BFAR: variants seen among roughly 807,000 people sequenced by gnomAD.
The protein encoded by BFAR is RING finger protein 47.
BFAR carries 52 observed loss-of-function variants against 54.4 expected under a neutral mutation model. The observed-to-expected ratio is 0.96, with a 90% CI of 0.77 to 1.21. The LOEUF is 1.21. Ranked by LOEUF, BFAR falls within the 50% of genes most tolerant of loss-of-function variation. BFAR has a pLI of 0.00. For missense variants in BFAR, 571 were observed against 534.0 expected, an observed-to-expected ratio of 1.07 and a Z score of -0.68; for synonymous variants, 215 against 204.3, an observed-to-expected ratio of 1.05 and a Z score of -0.45.
intron 1 of BFAR, among the ~76,000 whole-genome samples, chr16:14,637,964 T>C (rs1483256231): frequency 2.6e-5 from 4 of 152,166 alleles, no homozygotes; most frequent in African/African-American, 9.6e-5. Flanking sequence ...AATAAGGTGA[T>C]AAATACAGGC....
chr16:14,664,211 A>G (rs1270394806), intron 6 of BFAR, among the ~76,000 whole-genome samples: 1 of 152,072 alleles, frequency 6.6e-6, no homozygotes, highest in African/African-American at 2.4e-5. Flanking sequence ...GGGAAGGGGC[A>G]TACATGCTTC....
intron 5 of BFAR, among the ~76,000 whole-genome samples, chr16:14,660,747 A>G (rs1350393558): frequency 6.6e-6 from 1 of 151,496 alleles, no homozygotes; most frequent in Admixed American, 6.6e-5. Context: ...CTGAAAATAC[A>G]AAAATTAGCC....
intron 4 of BFAR, among the ~76,000 whole-genome samples, chr16:14,650,881 T>C (rs1463352196): frequency 6.6e-6 from 1 of 152,216 alleles, no homozygotes; most frequent in Non-Finnish European, 1.5e-5. Context: ...GGTAACTCTA[T>C]TCAGACTCTA....
In BFAR at chr16:14,644,277, A is replaced by C. The variant is rs866867601; in HGVS notation, c.-70A>C. ...TGTCTCTGTTTTTTTTTTCTAGATTAATGATGTTTTGCAGCAGTTTTCTAC... is the reference window on the plus strand; with the variant it reads ...TGTCTCTGTTTTTTTTTTCTAGATTCATGATGTTTTGCAGCAGTTTTCTAC... On this transcript the variant is annotated 5_prime_UTR_variant, in exon 2 of 8. The change abolishes the stop of an existing upstream ORF in the 5' untranslated region. Transcript: ENST00000261658. The C allele has an allele frequency of 7.0e-7, 1 of 1,438,080 alleles. No homozygotes were observed. Among genetic ancestry groups the C allele is most frequent in the African/African-American group, 1.4e-5 (1 of 69,396 alleles). 89.1% of individuals were successfully genotyped at this position (1,438,080 alleles called of 1,614,324 possible). A position where few individuals can be genotyped will look rare whatever the true frequency, so the allele number is the denominator to read the frequency against.
At chr16:14,652,828 C>G (rs535009431) in intron 4 of BFAR, among the ~76,000 whole-genome samples, 5 of 152,090 alleles carry the variant, frequency 3.3e-5, no homozygotes, top group African/African-American at 1.2e-4. Flanking sequence ...AAGGGTGTTA[C>G]GTATAACATC....
intron 2 of BFAR, among the ~76,000 whole-genome samples, chr16:14,645,817 T>G (rs1316688213): frequency 6.6e-6 from 1 of 152,204 alleles, no homozygotes; most frequent in Non-Finnish European, 1.5e-5. Flanking sequence ...AAACTGATTT[T>G]AATAACATAA....
In BFAR at chr16:14,655,223, A is replaced by AT. The variant is rs71373038; in HGVS notation, c.783+31dup. ...CTGGGAATATAAGGTGAACACTTTA[A>AT]TTTTTTTTTTTTTTTTTTACTTTTT... On this transcript the variant is annotated intron_variant, in intron 5 of 7. Coordinates refer to ENST00000261658, the MANE Select transcript of BFAR (RefSeq NM_016561.3). 146,238 of 1,125,096 alleles carry AT rather than the reference A, an allele frequency of 0.13. No individual in the cohort carries two copies. Among genetic ancestry groups the AT allele is most frequent in the Non-Finnish European group, 0.14 (122,141 of 870,898 alleles). 69.7% of individuals were successfully genotyped at this position (1,125,096 alleles called of 1,614,324 possible). A position where few individuals can be genotyped will look rare whatever the true frequency, so the allele number is the denominator to read the frequency against.
At position 14,667,889 on chromosome 16, in the gene BFAR, A is replaced by T. The variant is rs1433701466; in HGVS notation, c.*62A>T. The T allele has an allele frequency of 6.6e-7, 1 of 1,524,490 alleles. No individual in the cohort carries two copies. Among genetic ancestry groups the T allele is most frequent in the Non-Finnish European group, 9.0e-7 (1 of 1,106,778 alleles). 94.4% of individuals were successfully genotyped at this position (1,524,490 alleles called of 1,614,324 possible). On this transcript the variant is annotated 3_prime_UTR_variant, in exon 8 of 8. Transcript: ENST00000261658. ...TGACGTCTGAGCTTTGATGCTTAAGAGGGGTGAGGCAGGGAGCGGACTTCC... is the reference window on the plus strand; with the variant it reads ...TGACGTCTGAGCTTTGATGCTTAAGTGGGGTGAGGCAGGGAGCGGACTTCC...
chr16:14,660,777 T>G (rs983329293), intron 5 of BFAR, among the ~76,000 whole-genome samples: 3 of 151,782 alleles, frequency 2.0e-5, no homozygotes, highest in African/African-American at 7.2e-5. Context: ...ATTACTCACT[T>G]GTAATCCCAG....
intron 5 of BFAR, among the ~76,000 whole-genome samples, chr16:14,659,240 T>G (rs1449316099): frequency 5.6e-4 from 83 of 147,874 alleles, no homozygotes; most frequent in Non-Finnish European, 9.3e-4. Flanking sequence ...TTTTGTTTTT[T>G]TTTGTTTTTT....
At chr16:14,661,698 T>G (rs1293521555) in intron 5 of BFAR, among the ~76,000 whole-genome samples, 194 bp from the exon 6 acceptor site, 1 of 152,132 alleles carries the variant, frequency 6.6e-6, no homozygotes, top group Non-Finnish European at 1.5e-5. Context: ...GCCACCATGC[T>G]CCGCCAAGAT....
chr16:14,646,493 C>T (rs1959800322), intron 2 of BFAR, among the ~76,000 whole-genome samples: 1 of 144,628 alleles, frequency 6.9e-6, no homozygotes, highest in Non-Finnish European at 1.5e-5. Flanking sequence ...TGGCCAAATG[C>T]CCAGCTAAAA....
At chr16:14,662,140 T>TA in intron 6 of BFAR, 75 bp downstream of exon 6, 4 of 1,537,770 alleles carry the variant, frequency 2.6e-6, no homozygotes, top group Non-Finnish European at 2.7e-6. Flanking sequence ...CCACCATGGG[T>TA]GCCATGTTTC....
intron 5 of BFAR, 55 bp from the exon 6 acceptor site, chr16:14,661,837 G>T (rs1254201909): frequency 6.3e-7 from 1 of 1,586,000 alleles, no homozygotes; most frequent in Non-Finnish European, 8.6e-7. Flanking sequence ...AGGAGCGTGG[G>T]TGGGTAGCTG....
chr16:14,645,336 A>C (rs542713724), intron 2 of BFAR, among the ~76,000 whole-genome samples: 34 of 152,082 alleles, frequency 2.2e-4, no homozygotes, highest in Non-Finnish European at 4.4e-4. Flanking sequence ...AGAAAGAAAG[A>C]AAGCAAATGG....
At chr16:14,654,493 CTT>C (rs55673619) in intron 4 of BFAR, among the ~76,000 whole-genome samples, 2 of 89,170 alleles carry the variant, frequency 2.2e-5, no homozygotes, top group Non-Finnish European at 4.1e-5. Flanking sequence ...GTGAGTTTTC[CTT>C]TTTTTTTTTT....
At chr16:14,633,578 C>G (rs1959332700) in intron 1 of BFAR, 1 of 152,300 alleles carries the variant, frequency 6.6e-6, no homozygotes, top group Non-Finnish European at 1.5e-5. Flanking sequence ...CAAAGTCACA[C>G]TGGGGCCAGG....
intron 5 of BFAR, among the ~76,000 whole-genome samples, chr16:14,658,710 G>T (rs1252748338): frequency 6.6e-6 from 1 of 151,314 alleles, no homozygotes; most frequent in East Asian, 2.0e-4. Flanking sequence ...TCCAGCCTGG[G>T]TGGCAGACCG....
At chr16:14,639,668 G>A (rs879642441) in intron 1 of BFAR, among the ~76,000 whole-genome samples, 10 of 152,162 alleles carry the variant, frequency 6.6e-5, no homozygotes, top group Non-Finnish European at 1.2e-4. Context: ...GATTGTGTGT[G>A]TTCCCAGTCT....
Sources: allele counts gnomAD v4.1 joint callset (sites outside exome capture counted in the v4.1 genomes callset), GRCh38; gene constraint gnomAD v4.1.1; transcripts MANE v1.5; gene names NCBI Gene and HGNC (gene_info 2026-07-23, HGNC 2026-07-21).